Variants in ADAR observed in about 807,000 individuals in gnomAD.
ADAR encodes the protein double-stranded RNA-specific adenosine deaminase.
In ADAR, 41 loss-of-function variants were observed where a neutral mutation model predicts 113.2. That is an observed-to-expected ratio of 0.36 (90% CI 0.28 to 0.47). The LOEUF (loss-of-function observed/expected upper bound fraction) is 0.47, where lower values mean the gene tolerates loss of function less well. Ranked by LOEUF, ADAR falls within the 20% of genes least tolerant of loss-of-function variation. ADAR has a pLI of 1.00. For synonymous variants in ADAR, 605 were observed against 572.6 expected (o/e 1.06, Z -0.81); for missense variants, 1,242 against 1,540.9 (o/e 0.81, Z 3.25).
At chr1:154,598,128 C>A (rs531951819) in intron 3 of ADAR, 152 bp from the exon 4 acceptor site, 5 of 977,152 alleles carry the variant, frequency 5.1e-6, no homozygotes, top group Non-Finnish European at 7.7e-6. Flanking sequence ...GCTCTCATTC[C>A]GCATCTTCCA....
In ADAR at chr1:154,588,367, C is replaced by T. The variant is rs894904732; in HGVS notation, c.2886-109G>A. Reference sequence around the variant, plus strand: ...AGCAAGGGATGTTTTCTAAGGCCTACCATGGGAGACTGGAGGTGGACAGCA... The same window carrying T: ...AGCAAGGGATGTTTTCTAAGGCCTATCATGGGAGACTGGAGGTGGACAGCA... On this transcript the variant is annotated intron_variant, in intron 10 of 14. Coordinates refer to ENST00000368474, the MANE Select transcript of ADAR (RefSeq NM_001111.5). 4 of 1,552,440 alleles carry T rather than the reference C, an allele frequency of 2.6e-6. No homozygotes were observed. The African/African-American group carries it at 5.4e-5, about 21-fold the overall frequency.
intron 1 of ADAR, among the ~76,000 whole-genome samples, chr1:154,626,147 T>C (rs1698930480): frequency 6.6e-6 from 1 of 151,654 alleles, no homozygotes; most frequent in Non-Finnish European, 1.5e-5. Flanking sequence ...AGATACAGTT[T>C]CGCTGTCGTC....
At chr1:154,591,854 G>A (rs1325216663) in intron 6 of ADAR, among the ~76,000 whole-genome samples, 1 of 152,158 alleles carries the variant, frequency 6.6e-6, no homozygotes, top group East Asian at 1.9e-4. Flanking sequence ...TGGCAGGCCC[G>A]TGCAGGCCAG....
intron 1 of ADAR, among the ~76,000 whole-genome samples, chr1:154,625,071 C>T (rs1370510634): frequency 2.0e-5 from 3 of 152,148 alleles, no homozygotes; most frequent in African/African-American, 4.8e-5. Context: ...ACTTTGTGCC[C>T]GTCATCCCAG....
chr1:154,607,942 T>C lies in ADAR; in HGVS notation c.15+50A>G, dbSNP rs765607996. 96 of 1,610,224 alleles carry C rather than the reference T, an allele frequency of 6.0e-5. 1 individual carries two copies. Among genetic ancestry groups the C allele is most frequent in the Non-Finnish European group, 7.8e-5 (92 of 1,178,528 alleles). ...GCACTGCAACACAAAGCCTGTGAGG[T>C]TGTAAACGAACCCAGACGGCGGCGA... On this transcript the variant is annotated intron_variant, in intron 1 of 14. Transcript: ENST00000368474.
chr1:154,615,977 A>G (rs1036500386), intron 1 of ADAR, among the ~76,000 whole-genome samples: 2 of 152,192 alleles, frequency 1.3e-5, no homozygotes, highest in Non-Finnish European at 2.9e-5. Flanking sequence ...TTTTCTATCC[A>G]GTCTTCTCGA....
rs1019833811 is a variant in ADAR at position 154,588,461 on chromosome 1, G to A, written c.2885+90C>T. ...CAGTGGAGTGTGGCTTATTGTATCA[G>A]GTTCGATTTACAGGCCAGGAGAGCA... is the stretch of plus-strand genomic sequence containing the variant. On this transcript the variant is annotated intron_variant, in intron 10 of 14. Coordinates refer to ENST00000368474, the MANE Select transcript of ADAR (RefSeq NM_001111.5). 2.7e-5 allele frequency: 42 copies of A among 1,573,376 alleles called. No individual in the cohort carries two copies. In the African/African-American group the frequency reaches 4.6e-4, roughly 17 times the overall value.
chr1:154,627,582 G>T (rs1351217700), intron 1 of ADAR, among the ~76,000 whole-genome samples: 1 of 152,210 alleles, frequency 6.6e-6, no homozygotes, highest in Non-Finnish European at 1.5e-5. Flanking sequence ...CGGAGCATCC[G>T]TGCGCAGCCT....
chr1:154,588,321 A>C (rs534707557), intron 10 of ADAR, 63 bp from the exon 11 acceptor site: 8 of 1,611,588 alleles, frequency 5.0e-6, no homozygotes, highest in Non-Finnish European at 5.9e-6. Context: ...GTGGGGCTCC[A>C]AAACAGTCAG....
upstream of ADAR, among the ~76,000 whole-genome samples, chr1:154,611,021 T>G (rs1173532786): frequency 1.3e-5 from 2 of 152,100 alleles, no homozygotes; most frequent in Non-Finnish European, 1.5e-5. Context: ...TATGCTGTAT[T>G]TCACAAATTT....
intron 11 of ADAR, 26 bp from the exon 12 acceptor site, chr1:154,586,389 C>T (rs368687356): frequency 9.6e-5 from 155 of 1,612,094 alleles, no homozygotes; most frequent in Admixed American, 1.3e-4. Flanking sequence ...GGGTCAGACC[C>T]ACAGGCGCCA....
At chr1:154,594,278 GC>G (rs963332562) in intron 6 of ADAR, among the ~76,000 whole-genome samples, 15 of 152,302 alleles carry the variant, frequency 9.8e-5, no homozygotes, top group Non-Finnish European at 1.5e-4. Flanking sequence ...CAAGTTGGAT[GC>G]CAAACATGTG....
chr1:154,619,673 G>A (rs542699252), intron 1 of ADAR, among the ~76,000 whole-genome samples: 53 of 152,248 alleles, frequency 3.5e-4, no homozygotes, highest in African/African-American at 1.3e-3. Context: ...CTTCCCTTAT[G>A]AAGTTCACAG....
At chr1:154,613,643 G>A (rs2101685515) in intron 1 of ADAR, among the ~76,000 whole-genome samples, 1 of 152,200 alleles carries the variant, frequency 6.6e-6, no homozygotes, top group South Asian at 2.1e-4. Flanking sequence ...GGTGGCTCAT[G>A]CCTGTAATCC....
intron 1 of ADAR, among the ~76,000 whole-genome samples, chr1:154,613,904 C>CCAAAAAAAAAA (rs59907056): frequency 8.0e-6 from 1 of 124,268 alleles, no homozygotes. Flanking sequence ...AACTCCATCT[C>CCAAAAAAAAAA]AAAAAAAAAA....
rs1363826622 is a variant in ADAR at position 154,585,820 on chromosome 1, C to T, written c.3248G>A (p.Arg1083His). Residue 1083 changes from arginine (R) to histidine (H), a missense_variant, in exon 13 of 15, where the codon CGT becomes CAT. Physicochemically the swap from Arg to His is conservative, Grantham distance 29. Around this residue, in one of 2 missense-constraint regions of ADAR, gnomAD observed 780 missense variants for 1,057.9 expected, o/e 0.74. Coordinates refer to ENST00000368474, the MANE Select transcript of ADAR (RefSeq NM_001111.5). Reference protein sequence around the residue: ...QGHLTRAICCRVTRDGSAFED... With the variant: ...QGHLTRAICCHVTRDGSAFED... ...AAATGCACTCCCATCTCTTGTCACA[C>T]GACAGCAAATAGCACGGGTCAGATG... 1.2e-6 allele frequency: 2 copies of T among 1,614,064 alleles called. No homozygotes were observed. Among genetic ancestry groups the T allele is most frequent in the Non-Finnish European group, 1.7e-6 (2 of 1,179,946 alleles).
rs1407392701 is a variant in ADAR, at chr1:154,584,249, A to C, written c.*557T>G. The C allele has an allele frequency of 6.5e-6, 1 of 153,686 alleles. No homozygotes were observed. Among genetic ancestry groups the C allele is most frequent in the African/African-American group, 2.4e-5 (1 of 41,310 alleles). The allele number at this position is 153,686 out of a possible 1,614,324, so 9.5% of individuals were successfully genotyped here. A position where few individuals can be genotyped will look rare whatever the true frequency, so the allele number is the denominator to read the frequency against. On this transcript the variant is annotated 3_prime_UTR_variant, in exon 15 of 15. Coordinates refer to ENST00000368474, the MANE Select transcript of ADAR (RefSeq NM_001111.5). ...CTGGGAACTGCAGTTTTCAACTCCT[A>C]CCCTTACAAATGTTTCACCAAATCC...
rs749944605 is a variant in ADAR at position 154,602,240 on chromosome 1, A to G, written c.402T>C (p.Ser134=). The G allele has an allele frequency of 6.2e-7, 1 of 1,614,142 alleles. No individual in the cohort carries two copies. The highest frequency in any genetic ancestry group is 8.5e-7 in the Non-Finnish European group (1 of 1,180,026). Residue 134 remains serine (S), a synonymous_variant, in exon 2 of 15, where the codon AGT becomes AGC. Coordinates refer to ENST00000368474, the MANE Select transcript of ADAR (RefSeq NM_001111.5). ...DCLSSHFQEL[S]IYQDQEQRIL... ...TCCTTTGTTCCTGATCTTGGTAGAT[A>G]CTCAGTTCCTGGAAATGTGAGGAAA...
chr1:154,590,135 A>AGGGGGGGGGGGGGGGGGGGGGGGG, intron 7 of ADAR, 49 bp downstream of exon 7: 2 of 1,205,036 alleles, frequency 1.7e-6, no homozygotes, highest in Non-Finnish European at 1.2e-6. Flanking sequence ...CTTAGGAGTT[A>AGGGGGGGGGGGGGGGGGGGGGGGG]GGAGGACCCC....
Sources: gnomAD v4.1 joint callset for allele counts (sites outside exome capture counted in the v4.1 genomes callset) on GRCh38, gnomAD v4.1.1 for gene constraint, gnomAD v4.1.1 regional missense constraint, MANE v1.5 for transcripts, NCBI Gene and HGNC (gene_info 2026-07-23, HGNC 2026-07-21) for gene names.